The following KIAA1210 variants were observed in gnomAD, a reference collection of about 807,000 sequenced individuals.
KIAA1210 encodes the protein KIAA1210, also known as acrosomal protein KIAA1210.
In KIAA1210, 48 loss-of-function variants were observed where a neutral mutation model predicts 78.9. The ratio of observed to expected loss-of-function variants is 0.61; its 90% confidence interval spans 0.48 to 0.77. The LOEUF is 0.77. KIAA1210 is among the 30% of genes least tolerant of loss of function. The pLI is 0.00. For missense variants in KIAA1210, 1,108 were observed against 1,100.0 expected (o/e 1.01, Z -0.10); for synonymous variants, 406 against 404.5 (o/e 1.00, Z -0.04).
Position 119,079,409 on chromosome X carries a change from C to T in KIAA1210, c.*1920G>A, listed in dbSNP as rs1234819035. The T allele has an allele frequency of 1.8e-5, 2 of 111,696 alleles. No individual in the cohort carries two copies. Among genetic ancestry groups the T allele is most frequent in the East Asian group, 5.6e-4 (2 of 3,558 alleles). 9.2% of individuals were successfully genotyped at this position (111,696 alleles called of 1,213,427 possible). ...CCCAGACATCCAAAGGGAGCTCTCC[C>T]TTAGTGTTTGGTGGGTTTGGGGGAT... On this transcript the variant is annotated 3_prime_UTR_variant, in exon 12 of 12. Coordinates refer to ENST00000691062, the MANE Select transcript of KIAA1210 (RefSeq NM_001394962.1).
intron 3 of KIAA1210, among the ~76,000 whole-genome samples, chrX:119,114,260 C>T (rs1292904151): frequency 2.7e-5 from 3 of 111,211 alleles, no homozygotes; most frequent in African/African-American, 9.8e-5. Context: ...AAACAGAACC[C>T]GCTCTAAGAT....
At position 119,087,821 on chromosome X, in the gene KIAA1210, A is replaced by C; in HGVS notation, c.2881T>G (p.Ser961Ala). ...TCAATAGCAGCCCGCTCGAAATTTG[A>C]GGACAGTTGCTGGACTTTATTTCCC... ...TVGNKVQQLS[S>A]NFERAAIEAD... Residue 961 changes from serine to alanine, a missense_variant, in exon 9 of 12, where the codon TCA becomes GCA. By Grantham distance (99) the Ser-to-Ala change is moderately conservative (BLOSUM62 1). Transcript: ENST00000691062. 1 of 1,211,696 alleles carries C rather than the reference A, an allele frequency of 8.3e-7. No homozygotes were observed. The highest frequency in any genetic ancestry group is 1.1e-6 in the Non-Finnish European group (1 of 895,424).
intron 2 of KIAA1210, among the ~76,000 whole-genome samples, chrX:119,117,510 G>A (rs1928310512): frequency 9.0e-6 from 1 of 110,628 alleles, no homozygotes; most frequent in South Asian, 3.8e-4. Context: ...TAATTACCAG[G>A]GCAGCAGTGA....
At chrX:119,108,311 T>G in intron 5 of KIAA1210, 26 bp downstream of exon 5, 2 of 1,189,967 alleles carry the variant, frequency 1.7e-6, no homozygotes, top group Non-Finnish European at 1.1e-6. Flanking sequence ...CAGCTGCCCA[T>G]GCGCTGAACA....
chrX:119,142,932 A>G (rs1364919188), intron 2 of KIAA1210, among the ~76,000 whole-genome samples: 5 of 111,036 alleles, frequency 4.5e-5, no homozygotes, highest in African/African-American at 1.6e-4. Context: ...CATGACCCAC[A>G]CACCTCCCAC....
intron 2 of KIAA1210, among the ~76,000 whole-genome samples, chrX:119,141,992 CCTT>C (rs1929059489): frequency 8.9e-6 from 1 of 112,303 alleles, no homozygotes; most frequent in African/African-American, 3.2e-5. Context: ...GGCACATTGA[CCTT>C]CTGAGTAGGA....
intron 3 of KIAA1210, among the ~76,000 whole-genome samples, chrX:119,112,017 C>T (rs1432872645): frequency 9.0e-6 from 1 of 111,105 alleles, no homozygotes; most frequent in Non-Finnish European, 1.9e-5. Context: ...GTGATTGGGT[C>T]ATGGGGGCAG....
At chrX:119,117,872 C>A (rs1366817438) in intron 2 of KIAA1210, among the ~76,000 whole-genome samples, 1 of 111,299 alleles carries the variant, frequency 9.0e-6, no homozygotes. Context: ...CTTGGCCTCC[C>A]AAAGTGCTAC....
intron 2 of KIAA1210, among the ~76,000 whole-genome samples, chrX:119,119,733 T>C (rs1181892641): frequency 1.8e-5 from 2 of 110,600 alleles, no homozygotes; most frequent in East Asian, 5.7e-4. Context: ...TCCCAGCACT[T>C]TGGGAGGCCG....
intron 2 of KIAA1210, among the ~76,000 whole-genome samples, chrX:119,137,071 G>A (rs1928929798): frequency 8.9e-6 from 1 of 112,505 alleles, no homozygotes; most frequent in Non-Finnish European, 1.9e-5. Context: ...CCTGTTTCAG[G>A]TGCTATGTAG....
intron 2 of KIAA1210, among the ~76,000 whole-genome samples, chrX:119,137,838 G>T (rs1462928640): frequency 8.9e-6 from 1 of 112,162 alleles, no homozygotes; most frequent in Non-Finnish European, 1.9e-5. Context: ...GGCCCCAAGA[G>T]TTGTGGAACA....
chrX:119,083,515 G>A (rs1204106724), intron 10 of KIAA1210, among the ~76,000 whole-genome samples: 1 of 112,436 alleles, frequency 8.9e-6, no homozygotes, highest in African/African-American at 3.2e-5. Context: ...ATTCACTGAA[G>A]TGAGTTCCAT....
At chrX:119,113,888 T>C (rs1028887150) in intron 3 of KIAA1210, among the ~76,000 whole-genome samples, 1 of 111,692 alleles carries the variant, frequency 9.0e-6, no homozygotes, top group African/African-American at 3.3e-5. Flanking sequence ...AACCTTTGTA[T>C]GATTCCACTT....
At chrX:119,091,176 A>G (rs1247810845) in intron 8 of KIAA1210, among the ~76,000 whole-genome samples, 1 of 112,478 alleles carries the variant, frequency 8.9e-6, no homozygotes, top group Admixed American at 9.4e-5. Context: ...ACACAACGCG[A>G]TATCATCTTA....
upstream of KIAA1210, among the ~76,000 whole-genome samples, chrX:119,131,069 C>G (rs184292744): frequency 1.8e-5 from 2 of 111,997 alleles, no homozygotes; most frequent in Admixed American, 1.9e-4. Context: ...GAAGACTTTT[C>G]CTGACAGCTC....
intron 5 of KIAA1210, among the ~76,000 whole-genome samples, chrX:119,106,347 G>A (rs1221113250): frequency 8.9e-6 from 1 of 112,068 alleles, no homozygotes; most frequent in Non-Finnish European, 1.9e-5. Context: ...TCCATTTTAC[G>A]GACGGGGAAA....
chrX:119,101,401 A>C (rs1053138973), intron 6 of KIAA1210, among the ~76,000 whole-genome samples: 5 of 111,691 alleles, frequency 4.5e-5, no homozygotes, highest in African/African-American at 1.6e-4. Flanking sequence ...TCTTGAGAAA[A>C]AATACATTCT....
At position 119,111,572 on chromosome X, in the gene KIAA1210, G is replaced by A. The variant is rs758501901; in HGVS notation, c.231-2370C>T. Among the ~76,000 whole-genome samples the A allele has an allele frequency of 4.7e-5, 5 of 107,358 alleles. No individual in the cohort carries two copies. The South Asian group carries it at 1.8e-3, about 38-fold the overall frequency. The allele number at this position is 107,358 out of a possible 115,157, so 93.2% of individuals were successfully genotyped here. ...CTGAACAATGAGAACACATCGACATGGGGGGTGGTACATCACACACTGGGG... is the reference window on the plus strand; with the variant it reads ...CTGAACAATGAGAACACATCGACATAGGGGGTGGTACATCACACACTGGGG... On this transcript the variant is annotated intron_variant, in intron 3 of 11. Transcript: ENST00000691062.
At chrX:119,082,956 A>G (rs1405704928) in intron 11 of KIAA1210, 59 bp downstream of exon 11, 4 of 847,388 alleles carry the variant, frequency 4.7e-6, no homozygotes, top group East Asian at 6.4e-5. Flanking sequence ...TGAAATTGCA[A>G]AAGTTTTACA....
Sources: gnomAD v4.1 joint callset for allele counts (sites outside exome capture counted in the v4.1 genomes callset) on GRCh38, gnomAD v4.1.1 for gene constraint, MANE v1.5 for transcripts, NCBI Gene and HGNC (gene_info 2026-07-23, HGNC 2026-07-21) for gene names.